The following MTA3 variants were observed in gnomAD, a reference collection of about 807,000 sequenced individuals.
MTA3 encodes the protein metastasis-associated protein MTA3.
In MTA3, 34 loss-of-function variants were observed where a neutral mutation model predicts 83.5. The observed-to-expected ratio is 0.41, with a 90% CI of 0.31 to 0.54. The LOEUF (loss-of-function observed/expected upper bound fraction) is 0.54, where lower values mean the gene tolerates loss of function less well. Among genes scored for constraint, MTA3 ranks in the 20% least tolerant of loss-of-function variants. The probability of loss-of-function intolerance (pLI) is 0.33; values close to 1 mark genes in which losing one functional copy is unlikely to be tolerated. For synonymous variants in MTA3, 303 were observed against 252.7 expected, an observed-to-expected ratio of 1.20 and a Z score of -1.89; for missense variants, 761 against 726.4, an observed-to-expected ratio of 1.05 and a Z score of -0.55.
chr2:42,580,275 C>G (rs1309889146), intron 3 of MTA3, among the ~76,000 whole-genome samples: 1 of 152,114 alleles, frequency 6.6e-6, no homozygotes, highest in Non-Finnish European at 1.5e-5. Context: ...GCCACCATGC[C>G]CAGCCACATT....
In MTA3 at chr2:42,555,116, C is replaced by T. The variant is rs192773433; in HGVS notation, c.-140-15321C>T. ...TGCAGTGAGCCGGGATCTATGCTAC[C>T]GCACTCCAGCCTGGGTGACAACTAA... is the stretch of plus-strand genomic sequence containing the variant. On this transcript the variant is annotated intron_variant, in intron 2 of 17. Coordinates refer to the MTA3 transcript ENST00000405592. 1.8e-3 allele frequency among the ~76,000 whole-genome samples: 277 copies of T among 150,942 alleles called. 5 individuals carry two copies. Among genetic ancestry groups the T allele is most frequent in the African/African-American group, 6.3e-3 (260 of 41,044 alleles).
intron 8 of MTA3, among the ~76,000 whole-genome samples, chr2:42,662,616 T>C (rs1166659388): frequency 6.6e-6 from 1 of 152,018 alleles, no homozygotes; most frequent in East Asian, 1.9e-4. Context: ...TTTTTCCCTG[T>C]GCAAGCACCA....
intron 3 of MTA3, among the ~76,000 whole-genome samples, chr2:42,595,542 C>T (rs1013259992): frequency 1.3e-5 from 2 of 152,126 alleles, no homozygotes; most frequent in Admixed American, 6.6e-5. Context: ...TTTAGTTACT[C>T]CAATAAAGGA....
intron 16 of MTA3, among the ~76,000 whole-genome samples, chr2:42,729,085 A>AGTTTTTTGT (rs1262937246): frequency 6.2e-5 from 1 of 16,024 alleles, no homozygotes; most frequent in Non-Finnish European, 1.2e-4. Context: ...TCACAGTTTG[A>AGTTTTTTGT]GTTTTTTTTT....
chr2:42,722,960 A>T lies in MTA3; in HGVS notation c.1684A>T (p.Met562Leu). ...PSLQTPTTKR[M>L]LTTPNHTSLS... ...CCTGCAAACCCCAACTACCAAGCGG[A>T]TGCTAACAACTCCAAATCACACATC... Residue 562 changes from methionine to leucine, a missense_variant, in exon 16 of 17, where the codon ATG (methionine) becomes TTG (leucine). By Grantham distance (15) the Met-to-Leu change is conservative (BLOSUM62 2). Coordinates refer to ENST00000405094, the MANE Select transcript of MTA3 (RefSeq NM_001330442.2). 2 of 1,551,232 alleles carry T rather than the reference A, an allele frequency of 1.3e-6. No homozygotes were observed. The highest frequency in any genetic ancestry group is 1.7e-6 in the Non-Finnish European group (2 of 1,147,148).
intron 3 of MTA3, among the ~76,000 whole-genome samples, chr2:42,607,583 A>T (rs549644658): frequency 5.9e-5 from 9 of 152,190 alleles, no homozygotes; most frequent in African/African-American, 2.2e-4. Flanking sequence ...GGCTCAAGCG[A>T]TCTGCTTGCC....
intron 9 of MTA3, among the ~76,000 whole-genome samples, chr2:42,687,682 A>C (rs1353259020): frequency 2.0e-5 from 3 of 152,220 alleles, no homozygotes; most frequent in Admixed American, 6.5e-5. Context: ...CACATTTTCC[A>C]GAATTCCCTT....
chr2:42,616,362 G>C (rs929175957), intron 4 of MTA3, among the ~76,000 whole-genome samples: 7 of 150,830 alleles, frequency 4.6e-5, no homozygotes, highest in African/African-American at 1.7e-4. Context: ...TGCACGCCTG[G>C]CCTAGGTGGT....
rs70963328 is a variant in MTA3, at chr2:42,540,170, A to AT, written c.-140-30247dup. Among the ~76,000 whole-genome samples, 1,251 of 125,424 alleles carry AT rather than the reference A, an allele frequency of 1.0e-2. 21 individuals carry two copies. Among genetic ancestry groups the AT allele is most frequent in the African/African-American group, 0.015 (494 of 33,148 alleles). 82.3% of individuals were successfully genotyped at this position (125,424 alleles called of 152,430 possible). A position where few individuals can be genotyped will look rare whatever the true frequency, so the allele number is the denominator to read the frequency against. On this transcript the variant is annotated intron_variant, in intron 2 of 17. Coordinates refer to the MTA3 transcript ENST00000405592. ...CCAATAGTGGGCATTAACTTTGTAG[A>AT]TTTTTTTTTTTTTTTTTTTTGTAGA...
At chr2:42,575,994 T>C (rs1457157792) in intron 2 of MTA3, among the ~76,000 whole-genome samples, 1 of 152,212 alleles carries the variant, frequency 6.6e-6, no homozygotes. Context: ...GTAGTTTGAA[T>C]GGCTAATTGA....
At chr2:42,663,344 A>T (rs1024353602) in intron 8 of MTA3, among the ~76,000 whole-genome samples, 1 of 152,192 alleles carries the variant, frequency 6.6e-6, no homozygotes, top group African/African-American at 2.4e-5. Context: ...AATGTGCAGG[A>T]CAGCAGGTGA....
intron 2 of MTA3, among the ~76,000 whole-genome samples, chr2:42,555,228 C>A (rs948019641): frequency 4.6e-5 from 7 of 151,722 alleles, no homozygotes; most frequent in African/African-American, 1.7e-4. Context: ...ATTTGGGAGG[C>A]CTAGGCGGTG....
intron 16 of MTA3, among the ~76,000 whole-genome samples, chr2:42,729,236 A>G (rs1668073590): frequency 6.6e-6 from 1 of 151,226 alleles, no homozygotes; most frequent in Non-Finnish European, 1.5e-5. Context: ...AGCTGGGACT[A>G]CAGGCGCCCA....
At chr2:42,682,373 A>G (rs779216327) in intron 8 of MTA3, 28 bp from the exon 9 acceptor site, 1 of 1,516,838 alleles carries the variant, frequency 6.6e-7, no homozygotes, top group East Asian at 2.3e-5. Context: ...TTTCTGGTTG[A>G]TATTTTCTGT....
intron 8 of MTA3, among the ~76,000 whole-genome samples, chr2:42,674,463 G>C (rs546673986): frequency 1.3e-5 from 2 of 152,332 alleles, no homozygotes; most frequent in East Asian, 3.9e-4. Flanking sequence ...AACAGCTTGT[G>C]CTGGGTTCTT....
At chr2:42,636,883 C>T (rs932735864) in intron 4 of MTA3, among the ~76,000 whole-genome samples, 1 of 152,118 alleles carries the variant, frequency 6.6e-6, no homozygotes, top group East Asian at 1.9e-4. Flanking sequence ...CATCGGCCTC[C>T]CAAAGTGCTG....
At chr2:42,697,714 CAATG>C in intron 10 of MTA3, 58 bp from the exon 11 acceptor site, 1 of 1,128,890 alleles carries the variant, frequency 8.9e-7, no homozygotes, top group Non-Finnish European at 1.3e-6. Context: ...ATTTTTAAGA[CAATG>C]AACAGTAGTA....
At chr2:42,586,849 C>G (rs969083461) in intron 3 of MTA3, among the ~76,000 whole-genome samples, 1 of 152,110 alleles carries the variant, frequency 6.6e-6, no homozygotes. Flanking sequence ...ATGGTGAAAC[C>G]CCGTATCTAC....
At chr2:42,722,476 G>C (rs6721943) in intron 15 of MTA3, among the ~76,000 whole-genome samples, 52,590 of 151,960 alleles carry the variant, frequency 0.35, 11,189 homozygotes, top group African/African-American at 0.59. Flanking sequence ...GTTCGCATAC[G>C]TGACATGGTG....
Sources: allele counts gnomAD v4.1 joint callset (sites outside exome capture counted in the v4.1 genomes callset), GRCh38; gene constraint gnomAD v4.1.1; transcripts MANE v1.5; gene names NCBI Gene and HGNC (gene_info 2026-07-23, HGNC 2026-07-21).